The following MSH6 variants were observed in gnomAD, a reference collection of about 807,000 sequenced individuals.
MSH6 encodes DNA mismatch repair protein Msh6.
In MSH6, 85 loss-of-function variants were observed where a neutral mutation model predicts 119.1. The observed-to-expected ratio is 0.71, with a 90% CI of 0.60 to 0.85. MSH6 has a LOEUF of 0.85. Among genes scored for constraint, MSH6 ranks in the 40% least tolerant of loss-of-function variants. The pLI, the probability that MSH6 is intolerant of heterozygous loss-of-function variation, is 0.00. For missense variants in MSH6, 2,163 were observed against 1,655.3 expected (o/e 1.31, Z -5.32); for synonymous variants, 830 against 586.9 (o/e 1.41, Z -5.99).
Position 47,783,444 on chromosome 2 carries a change from A to G in MSH6, c.211A>G (p.Asn71Asp), listed in dbSNP as rs1558645379. Residue 71 changes from asparagine (N) to aspartate (D), a missense_variant, in exon 1 of 10, where the codon AAC becomes GAC. Physicochemically the swap from Asn to Asp is conservative, Grantham distance 23. Transcript: ENST00000234420. ...CTCCGCGTCACCGCCCAAGGCGAAG[A>G]ACCTCAACGGAGGGCTGCGGAGATC... ...ARSASPPKAK[N>D]LNGGLRRSVA... The G allele has an allele frequency of 1.3e-6, 2 of 1,495,524 alleles. No individual in the cohort carries two copies. The highest frequency in any genetic ancestry group is 1.8e-6 in the Non-Finnish European group (2 of 1,124,916). The allele number at this position is 1,495,524 out of a possible 1,614,324, so 92.6% of individuals were successfully genotyped here. A position where few individuals can be genotyped will look rare whatever the true frequency, so the allele number is the denominator to read the frequency against.
At chr2:47,808,102 T>C (rs1232122085), downstream of MSH6, 4 of 1,593,378 alleles carry the variant, frequency 2.5e-6, no homozygotes, top group East Asian at 4.5e-5. Flanking sequence ...CAGGACTTTT[T>C]CTTTAGGGAA....
intron 4 of MSH6, chr2:47,801,373 T>G (rs1167379835): frequency 2.1e-6 from 1 of 476,052 alleles, no homozygotes; most frequent in Admixed American, 4.0e-5. Flanking sequence ...TTTTTTTTTT[T>G]TTTTTTTTTT....
downstream of MSH6, chr2:47,808,292 G>GT: frequency 6.2e-7 from 1 of 1,612,514 alleles, no homozygotes; most frequent in Non-Finnish European, 8.5e-7. Context: ...GAGGGGGAAA[G>GT]TAATTGGGTA....
chr2:47,789,163 A>T (rs1668573407), intron 1 of MSH6, among the ~76,000 whole-genome samples: 1 of 151,136 alleles, frequency 6.6e-6, no homozygotes, highest in East Asian at 2.0e-4. Context: ...TGACCTCGTG[A>T]TCCACCTGCC....
chr2:47,789,385 G>T, intron 1 of MSH6: 2 of 442,440 alleles, frequency 4.5e-6, no homozygotes, highest in South Asian at 1.7e-5. Flanking sequence ...ACTGATAATG[G>T]TTGGATCCAG....
downstream of MSH6, chr2:47,809,455 G>A: frequency 2.8e-6 from 2 of 708,962 alleles, no homozygotes; most frequent in Non-Finnish European, 2.3e-6. Context: ...CAACCATTTA[G>A]AACCAAAGCT....
intron 1 of MSH6, among the ~76,000 whole-genome samples, chr2:47,787,387 A>C (rs973913198): frequency 2.6e-5 from 4 of 152,214 alleles, no homozygotes; most frequent in Non-Finnish European, 4.4e-5. Flanking sequence ...GAAAGCAAAA[A>C]TAATGTGATT....
chr2:47,798,706 T>C lies in MSH6; in HGVS notation c.723T>C (p.Ser241=), dbSNP rs1553412150. 1 of 1,614,116 alleles carries C rather than the reference T, an allele frequency of 6.2e-7. No homozygotes were observed. The highest frequency in any genetic ancestry group is 8.5e-7 in the Non-Finnish European group (1 of 1,180,022). ...CTAAGACACAAGGATCTAGGCGAAG[T>C]AGCCGCCAAATAAAAAAACGAAGGG... is the stretch of plus-strand genomic sequence containing the variant. ...VQPKTQGSRR[S]SRQIKKRRVI... The change falls in exon 4 of 10, where the codon AGT becomes AGC. Residue 241 remains serine (S), a synonymous_variant. Transcript: ENST00000234420.
At chr2:47,795,202 T>G (rs920243985) in intron 2 of MSH6, among the ~76,000 whole-genome samples, 1 of 152,200 alleles carries the variant, frequency 6.6e-6, no homozygotes, top group Admixed American at 6.5e-5. Context: ...GAAGACAGAC[T>G]AAGTAGTCCT....
At chr2:47,808,024 C>A (rs1165705366), downstream of MSH6, 9 of 1,149,292 alleles carry the variant, frequency 7.8e-6, no homozygotes, top group Non-Finnish European at 1.0e-5. Context: ...ACAGTCTCTT[C>A]CTGTAGCATG....
downstream of MSH6, chr2:47,807,676 AAAATC>A (rs887861918): frequency 2.2e-5 from 5 of 230,008 alleles, no homozygotes; most frequent in South Asian, 1.6e-4. Flanking sequence ...TTAAAAAAAA[AAAATC>A]AAAAGGAACG....
Position 47,787,930 on chromosome 2 carries a change from G to A in MSH6, c.261-2997G>A, listed in dbSNP as rs368294625. The stretch of plus-strand genomic sequence containing the variant: ...GCCTATTTTGGCATTCTTGAAAACC[G>A]CAGGATTACCACGGATAAAATTTTA... On this transcript the variant is annotated intron_variant, in intron 1 of 9. Transcript: ENST00000234420. Among the ~76,000 whole-genome samples the A allele has an allele frequency of 1.2e-4, 19 of 152,124 alleles. No homozygotes were observed. In the East Asian group the frequency reaches 1.4e-3, roughly 11 times the overall value.
intron 2 of MSH6, among the ~76,000 whole-genome samples, chr2:47,792,281 G>A (rs1272315286): frequency 6.6e-6 from 1 of 152,092 alleles, no homozygotes; most frequent in South Asian, 2.1e-4. Context: ...TGTCGTACTC[G>A]GTGTTGTAAA....
At chr2:47,791,644 C>T (rs1262897307) in intron 2 of MSH6, among the ~76,000 whole-genome samples, 1 of 151,798 alleles carries the variant, frequency 6.6e-6, no homozygotes, top group East Asian at 1.9e-4. Flanking sequence ...TAGGTGCACC[C>T]CATCGTCTCT....
intron 1 of MSH6, among the ~76,000 whole-genome samples, chr2:47,786,067 A>T (rs1401598111): frequency 6.6e-6 from 1 of 152,212 alleles, no homozygotes; most frequent in African/African-American, 2.4e-5. Context: ...GTAGACTCCA[A>T]GTGGAAAGGG....
chr2:47,804,781 C>G (rs556579364), intron 5 of MSH6, 129 bp from the exon 6 acceptor site: 3 of 770,226 alleles, frequency 3.9e-6, no homozygotes, highest in Non-Finnish European at 7.1e-6. Context: ...CAGAACAGAA[C>G]CAACGTACAT....
At chr2:47,803,389 G>GA (rs779809176) in intron 4 of MSH6, 31 bp from the exon 5 acceptor site, 22 of 1,614,030 alleles carry the variant, frequency 1.4e-5, no homozygotes, top group Non-Finnish European at 1.7e-5. Flanking sequence ...CCCAAACGAT[G>GA]AAGCCTCACT....
rs863224331 is a variant in MSH6, at chr2:47,803,505, C to A, written c.3258C>A (p.Pro1086=). Residue 1086 remains proline (P), a synonymous_variant, in exon 5 of 10, where the codon CCC becomes CCA. Coordinates refer to ENST00000234420, the MANE Select transcript of MSH6 (RefSeq NM_000179.3). ...TAATTCTGTTGCCGGAAGATACCCCCCCCTTCTTAGAGCTTAAAGGATCAC... is the reference window on the plus strand; with the variant it reads ...TAATTCTGTTGCCGGAAGATACCCCACCCTTCTTAGAGCTTAAAGGATCAC... ...RPVILLPEDT[P]PFLELKGSRH... is the part of the protein sequence containing the mutation. The A allele has an allele frequency of 2.5e-6, 4 of 1,614,012 alleles. No homozygotes were observed. Among genetic ancestry groups the A allele is most frequent in the South Asian group, 2.2e-5 (2 of 91,076 alleles).
downstream of MSH6, chr2:47,808,806 C>T (rs1670407141): frequency 3.9e-6 from 1 of 258,446 alleles, no homozygotes; most frequent in African/African-American, 2.2e-5. Flanking sequence ...CATTACACAA[C>T]ATGAGTTACA....
Sources: allele counts gnomAD v4.1 joint callset (sites outside exome capture counted in the v4.1 genomes callset), GRCh38; gene constraint gnomAD v4.1.1; transcripts MANE v1.5; gene names NCBI Gene and HGNC (gene_info 2026-07-23, HGNC 2026-07-21).